ADGRF4: variants seen among roughly 807,000 people sequenced by gnomAD.
The protein encoded by ADGRF4 is G-protein coupled receptor PGR18.
ADGRF4 carries 63 observed loss-of-function variants against 58.5 expected under a neutral mutation model. The ratio of observed to expected loss-of-function variants is 1.08; its 90% CI spans 0.88 to 1.33. ADGRF4 has a LOEUF of 1.33. Ranked by LOEUF, ADGRF4 falls within the 40% of genes most tolerant of loss-of-function variation. The probability of loss-of-function intolerance (pLI) is 0.00; values close to 1 mark genes in which losing one functional copy is unlikely to be tolerated. For missense variants in ADGRF4, 931 were observed against 843.9 expected (o/e 1.10, Z -1.28); for synonymous variants, 313 against 295.4 (o/e 1.06, Z -0.61).
At chr6:47,700,416 T>A (rs1382512240) in intron 1 of ADGRF4, among the ~76,000 whole-genome samples, 1 of 152,170 alleles carries the variant, frequency 6.6e-6, no homozygotes, top group Non-Finnish European at 1.5e-5. Context: ...CACTGTAGTT[T>A]TAAATTCCAA....
intron 1 of ADGRF4, among the ~76,000 whole-genome samples, chr6:47,705,398 A>C (rs1348415232): frequency 6.6e-6 from 1 of 152,226 alleles, no homozygotes; most frequent in African/African-American, 2.4e-5. Context: ...TACGGCCTAC[A>C]TGGAGACTTC....
intron 3 of ADGRF4, among the ~76,000 whole-genome samples, chr6:47,708,621 C>A (rs1268192324): frequency 6.6e-6 from 1 of 152,166 alleles, no homozygotes. Flanking sequence ...AAGATATTTT[C>A]AGGGTGCTTA....
Position 47,717,352 on chromosome 6 carries a change from G to T in ADGRF4, c.2034+1G>T. ...GAAGGGGAAATCGAGGGCAGCTGAG[G>T]TAAGCCTTCCCCTTTTAGTCTCAGC... On this transcript the variant is annotated splice_donor_variant, in intron 8 of 9. Coordinates refer to ENST00000283303, the MANE Select transcript of ADGRF4 (RefSeq NM_153838.5). LOFTEE classifies it high-confidence loss of function. 6.2e-7 allele frequency: 1 copy of T among 1,605,236 alleles called. No homozygotes were observed. The highest frequency in any genetic ancestry group is 8.5e-7 in the Non-Finnish European group (1 of 1,171,898).
Position 47,714,697 on chromosome 6 carries a change from C to A in ADGRF4, c.1452C>A (p.Tyr484Ter). The A allele has an allele frequency of 6.2e-7, 1 of 1,614,078 alleles. No homozygotes were observed. Among genetic ancestry groups the A allele is most frequent in the Non-Finnish European group, 8.5e-7 (1 of 1,179,968 alleles). Reference protein sequence around the residue: ...VAVTFFSHFFYLSLFFWMLFK... With the variant: ...VAVTFFSHFF ...TGACATTTTTCAGCCACTTTTTCTA[C>A]CTCTCTCTGTTTTTCTGGATGCTCT... The change falls in exon 6 of 10, where the codon TAC (tyrosine) becomes TAA (stop). Residue 484 changes from tyrosine (Y) to a stop codon, truncating the protein, a stop_gained. Coordinates refer to ENST00000283303, the MANE Select transcript of ADGRF4 (RefSeq NM_153838.5). LOFTEE classifies it high-confidence loss of function.
chr6:47,716,899 A>G, intron 7 of ADGRF4, 52 bp downstream of exon 7: 1 of 1,298,866 alleles, frequency 7.7e-7, no homozygotes, highest in African/African-American at 1.5e-5. Context: ...GGCTGGGGGA[A>G]GCAGGAGGAT....
chr6:47,701,952 C>T (rs1177411570), intron 1 of ADGRF4, among the ~76,000 whole-genome samples: 1 of 152,220 alleles, frequency 6.6e-6, no homozygotes, highest in African/African-American at 2.4e-5. Flanking sequence ...GATTCTCCTG[C>T]TTCCGCCTTC....
At chr6:47,707,792 T>C (rs1413949035) in intron 2 of ADGRF4, among the ~76,000 whole-genome samples, 3 of 150,902 alleles carry the variant, frequency 2.0e-5, no homozygotes, top group South Asian at 2.1e-4. Context: ...CTAGTGATTA[T>C]TCCTAGTATT....
intron 6 of ADGRF4, chr6:47,715,445 A>G: frequency 3.0e-6 from 1 of 338,966 alleles, no homozygotes; most frequent in Non-Finnish European, 5.4e-6. Flanking sequence ...ACCTTCACTT[A>G]TAGAGGACTA....
chr6:47,714,134 A>G lies in ADGRF4; in HGVS notation c.889A>G (p.Thr297Ala). 2.5e-6 allele frequency: 4 copies of G among 1,613,984 alleles called. No homozygotes were observed. The highest frequency in any genetic ancestry group is 2.2e-5 in the East Asian group (1 of 44,878). The change falls in exon 6 of 10, where the codon ACC becomes GCC. Residue 297 changes from threonine to alanine, a missense_variant. Transcript: ENST00000283303. ...CCAAGCCATTAGCATAGCTTTCCCA[A>G]CCTTGGGGGCTATCCTGAGAGAAGC... ...ASQAISIAFP[T>A]LGAILREAHL...
rs1225455229 is a variant in ADGRF4 at position 47,712,587 on chromosome 6, T to G, written c.531T>G (p.Asn177Lys). 6.3e-7 allele frequency: 1 copy of G among 1,580,036 alleles called. No homozygotes were observed. The highest frequency in any genetic ancestry group is 8.7e-7 in the Non-Finnish European group (1 of 1,149,374). Residue 177 changes from asparagine to lysine, a missense_variant, in exon 5 of 10, where the codon AAT (asparagine) becomes AAG (lysine). By Grantham distance (94) the Asn-to-Lys change is moderately conservative (BLOSUM62 0). Transcript: ENST00000283303. ...LKNISTDLSD[N>K]VTREKMKSYS... is the part of the protein sequence containing the mutation. ...ATATTTCTACAGACTTGTCTGATAATGTTACTCGAGAGAAAATGAAGGTAT... is the reference window on the plus strand; with the variant it reads ...ATATTTCTACAGACTTGTCTGATAAGGTTACTCGAGAGAAAATGAAGGTAT...
rs115905128 is a variant in ADGRF4, at chr6:47,714,935, A to T, written c.1690A>T (p.Ile564Phe). ...TACCAAAGCCCTTTTAGCATTTGCC[A>T]TCCCGGCGTTCGTCATTGTGGCTGT... ...DNTKALLAFA[I>F]PAFVIVAVNL... is the part of the protein sequence containing the mutation. The change falls in exon 6 of 10, where the codon ATC becomes TTC. Residue 564 changes from isoleucine (I) to phenylalanine (F), a missense_variant. Physicochemically the swap from Ile to Phe is conservative, Grantham distance 21 (BLOSUM62 0). Transcript: ENST00000283303. The T allele has an allele frequency of 1.2e-6, 2 of 1,613,556 alleles. No homozygotes were observed. The highest frequency in any genetic ancestry group is 2.7e-5 in the African/African-American group (2 of 74,914).
intron 9 of ADGRF4, 84 bp downstream of exon 9, chr6:47,718,529 C>T (rs1772086210): frequency 6.2e-6 from 5 of 800,044 alleles, no homozygotes; most frequent in Non-Finnish European, 2.3e-6. Flanking sequence ...CTATTGCCTG[C>T]TACGTGCTGC....
intron 2 of ADGRF4, among the ~76,000 whole-genome samples, 176 bp downstream of exon 2, chr6:47,707,514 G>A (rs1361943461): frequency 6.6e-6 from 1 of 152,196 alleles, no homozygotes; most frequent in Non-Finnish European, 1.5e-5. Flanking sequence ...AGGTGGCAGG[G>A]ACTTGCCTGG....
At chr6:47,699,963 C>T (rs1771554459) in intron 1 of ADGRF4, among the ~76,000 whole-genome samples, 1 of 149,432 alleles carries the variant, frequency 6.7e-6, no homozygotes, top group Admixed American at 6.7e-5. Flanking sequence ...GGTCACTTAA[C>T]TCTTAGGTTC....
chr6:47,710,729 T>A lies in ADGRF4; in HGVS notation c.149-6T>A. ...TCTCTCTCTCTTTCTCTTTTTTTCT[T>A]TATAGAGAAATGCGAAGGACCTTGT... On this transcript the variant is annotated splice_region_variant and splice_polypyrimidine_tract_variant and intron_variant, in intron 3 of 9. Coordinates refer to ENST00000283303, the MANE Select transcript of ADGRF4 (RefSeq NM_153838.5). 1.9e-6 allele frequency: 3 copies of A among 1,584,994 alleles called. No individual in the cohort carries two copies. Among genetic ancestry groups the A allele is most frequent in the Non-Finnish European group, 2.6e-6 (3 of 1,171,296 alleles).
rs74672092 is a variant in ADGRF4, at chr6:47,718,635, G to T, written c.*3+190G>T. Among the ~76,000 whole-genome samples the T allele has an allele frequency of 4.8e-3, 662 of 138,144 alleles. 3 individuals carry two copies. The highest frequency in any genetic ancestry group is 0.015 in the South Asian group (58 of 3,782). 90.6% of individuals were successfully genotyped at this position (138,144 alleles called of 152,430 possible). On this transcript the variant is annotated intron_variant, in intron 9 of 9. Transcript: ENST00000283303. The stretch of plus-strand genomic sequence containing the variant: ...ATAAATGAAAATATGTACATTTTCT[G>T]TAAAACCTATGTCATCTCAGCTTAC...
At chr6:47,708,081 G>A (rs771030015) in intron 2 of ADGRF4, 143 bp from the exon 3 acceptor site, 20 of 621,266 alleles carry the variant, frequency 3.2e-5, no homozygotes, top group South Asian at 9.9e-5. Context: ...GCAAGTTACC[G>A]CAATACCAGC....
chr6:47,711,335 TC>T (rs1281010512), intron 4 of ADGRF4, among the ~76,000 whole-genome samples: 1 of 152,196 alleles, frequency 6.6e-6, no homozygotes, highest in Non-Finnish European at 1.5e-5. Flanking sequence ...CAATCTCAGC[TC>T]ACTGCAACCT....
At chr6:47,716,939 A>T in intron 7 of ADGRF4, 92 bp downstream of exon 7, 1 of 841,062 alleles carries the variant, frequency 1.2e-6, no homozygotes, top group Non-Finnish European at 2.0e-6. Flanking sequence ...AGCATACTCC[A>T]GGGGAGTTGA....
Sources: allele counts gnomAD v4.1 joint callset (sites outside exome capture counted in the v4.1 genomes callset), GRCh38; gene constraint gnomAD v4.1.1; transcripts MANE v1.5; gene names NCBI Gene and HGNC (gene_info 2026-07-23, HGNC 2026-07-21).